CS: variants seen among roughly 807,000 people sequenced by gnomAD.
CS encodes the protein citrate synthase.
In CS, 13 loss-of-function variants were observed where a neutral mutation model predicts 61.4. That is an observed-to-expected ratio of 0.21 (90% CI 0.14 to 0.34). The LOEUF (loss-of-function observed/expected upper bound fraction) is 0.34. Among genes scored for constraint, CS ranks in the 10% least tolerant of loss-of-function variants. CS has a pLI of 1.00. For synonymous variants in CS, 159 were observed against 215.2 expected, an observed-to-expected ratio of 0.74 and a Z score of 2.29; for missense variants, 278 against 573.4, an observed-to-expected ratio of 0.48 and a Z score of 5.26.
At chr12:56,288,817 TAA>T (rs10711668) in intron 1 of CS, among the ~76,000 whole-genome samples, 17 of 148,448 alleles carry the variant, frequency 1.1e-4, no homozygotes, top group South Asian at 2.1e-4. Flanking sequence ...CCCAGCTAAT[TAA>T]AAAAAAAAAA....
rs140943640 is a variant in CS, at chr12:56,282,889, C to T, written c.370G>A (p.Val124Ile). 2 of 1,614,038 alleles carry T rather than the reference C, an allele frequency of 1.2e-6. No homozygotes were observed. The highest frequency in any genetic ancestry group is 1.7e-6 in the Non-Finnish European group (2 of 1,180,048). Residue 124 changes from valine to isoleucine, a missense_variant, in exon 5 of 11, where the codon GTA (valine) becomes ATA (isoleucine). Val to Ile is a conservative substitution (Grantham distance 29). Coordinates refer to ENST00000351328, the MANE Select transcript of CS (RefSeq NM_004077.3). ...TCCTCTGTTGGGATATGTCCAGTTA[C>T]CAGCAGCCAAAATAAGCCCTCAGGC... The part of the protein sequence containing the change: ...PLPEGLFWLL[V>I]TGHIPTEEQV...
chr12:56,283,917 T>G (rs1293593806), intron 3 of CS, 60 bp from the exon 4 acceptor site: 2 of 1,283,854 alleles, frequency 1.6e-6, no homozygotes, highest in African/African-American at 1.5e-5. Flanking sequence ...ATCAGAATGA[T>G]TCAGACTAGA....
intron 1 of CS, among the ~76,000 whole-genome samples, chr12:56,296,542 T>G (rs552199086): frequency 1.3e-5 from 2 of 152,204 alleles, no homozygotes; most frequent in Non-Finnish European, 2.9e-5. Context: ...ATTGCTACAG[T>G]TGCCTCATTA....
chr12:56,283,595 T>G (rs1407402823), intron 4 of CS, among the ~76,000 whole-genome samples, 197 bp downstream of exon 4: 2 of 152,230 alleles, frequency 1.3e-5, no homozygotes, highest in African/African-American at 4.8e-5. Flanking sequence ...ACCTCTGGTT[T>G]TGTACTTTTA....
chr12:56,284,852 T>G (rs549315620), intron 3 of CS, among the ~76,000 whole-genome samples: 3 of 137,206 alleles, frequency 2.2e-5, no homozygotes, highest in Non-Finnish European at 4.6e-5. Context: ...TGAGCCGAGA[T>G]CACGTCACTG....
chr12:56,274,174 A>G (rs1872575157), intron 9 of CS: 1 of 243,968 alleles, frequency 4.1e-6, no homozygotes, highest in Non-Finnish European at 8.1e-6. Flanking sequence ...ATACAAAATT[A>G]GCCGGGCATG....
At position 56,277,691 on chromosome 12, in the gene CS, C is replaced by T. The variant is rs187660941; in HGVS notation, c.589-1496G>A. Among the ~76,000 whole-genome samples the T allele has an allele frequency of 7.3e-5, 10 of 137,142 alleles. No individual in the cohort carries two copies. The East Asian group carries it at 1.3e-3, about 19-fold the overall frequency. 90.0% of individuals were successfully genotyped at this position (137,142 alleles called of 152,430 possible). On this transcript the variant is annotated intron_variant, in intron 6 of 10. Coordinates refer to ENST00000351328, the MANE Select transcript of CS (RefSeq NM_004077.3). The stretch of plus-strand genomic sequence containing the variant: ...TGTCGCCGAGGCTGGAGTACAGTGG[C>T]GCGATCTCGGCTCACTGCAAGCTCC...
Position 56,282,462 on chromosome 12 carries a change from G to A in CS, c.546C>T (p.Ala182=). The change falls in exon 6 of 11, where the codon GCC becomes GCT. Residue 182 remains alanine, a synonymous_variant. Coordinates refer to ENST00000351328, the MANE Select transcript of CS (RefSeq NM_004077.3). Reference sequence around the variant, plus strand: ...GGCTGATACCCTGTGCATATGCTCGGGCAAAGTTACTTTCACTGTTGAGGG... The same window carrying A: ...GGCTGATACCCTGTGCATATGCTCGAGCAAAGTTACTTTCACTGTTGAGGG... ...VTALNSESNF[A]RAYAQGISRT... The A allele has an allele frequency of 6.2e-7, 1 of 1,612,962 alleles. No individual in the cohort carries two copies. Among genetic ancestry groups the A allele is most frequent in the South Asian group, 1.1e-5 (1 of 90,932 alleles).
intron 4 of CS, 42 bp from the exon 5 acceptor site, chr12:56,283,033 CT>C (rs34111839): frequency 0.058 from 93,100 of 1,610,502 alleles, 3,109 homozygotes; most frequent in Non-Finnish European, 0.066. Context: ...AGTTTATAGC[CT>C]AGAAGTCACA....
intron 2 of CS, 133 bp downstream of exon 2, chr12:56,286,462 C>A (rs1872941676): frequency 1.5e-6 from 1 of 672,724 alleles, no homozygotes; most frequent in Non-Finnish European, 2.6e-6. Context: ...GCAGCTATAA[C>A]AATAACAATA....
intron 1 of CS, among the ~76,000 whole-genome samples, chr12:56,293,808 A>G (rs1430593926): frequency 6.6e-6 from 1 of 152,246 alleles, no homozygotes. Context: ...TTCATCAACA[A>G]AAGATCAGAG....
rs1390330336 is a variant in CS, at chr12:56,282,998, A to G, written c.268-7T>C. ...AGCCTCGGAAACGGATGCCCTTGAGAGAGGAGAGAGAGAATTACAACTCAA... is the reference window on the plus strand; with the variant it reads ...AGCCTCGGAAACGGATGCCCTTGAGGGAGGAGAGAGAGAATTACAACTCAA... On this transcript the variant is annotated splice_polypyrimidine_tract_variant and splice_region_variant and intron_variant, in intron 4 of 10. Transcript: ENST00000351328. 1 of 1,613,984 alleles carries G rather than the reference A, an allele frequency of 6.2e-7. No homozygotes were observed. The highest frequency in any genetic ancestry group is 2.2e-5 in the East Asian group (1 of 44,872).
intron 9 of CS, 95 bp from the exon 10 acceptor site, chr12:56,273,891 T>G: frequency 1.9e-6 from 2 of 1,074,454 alleles, no homozygotes; most frequent in Admixed American, 3.7e-5. Context: ...TGGAGTGCAG[T>G]GGCATGATCA....
At chr12:56,291,018 CCACT>C (rs764493209) in intron 1 of CS, among the ~76,000 whole-genome samples, 2 of 152,196 alleles carry the variant, frequency 1.3e-5, no homozygotes, top group Admixed American at 1.3e-4. Flanking sequence ...TGCCACCTTC[CCACT>C]GTGTTATCTT....
intron 7 of CS, 58 bp downstream of exon 7, chr12:56,275,938 A>T: frequency 1.3e-6 from 2 of 1,484,480 alleles, no homozygotes; most frequent in East Asian, 2.3e-5. Flanking sequence ...AGGAGCTTTT[A>T]AAAAAATTTC....
At chr12:56,294,193 G>C (rs989784403) in intron 1 of CS, among the ~76,000 whole-genome samples, 10 of 152,064 alleles carry the variant, frequency 6.6e-5, no homozygotes, top group African/African-American at 2.4e-4. Flanking sequence ...ACCGATCACT[G>C]CTGGGTGCAG....
At chr12:56,275,171 A>C in intron 7 of CS, 40 bp from the exon 8 acceptor site, 5 of 1,613,360 alleles carry the variant, frequency 3.1e-6, no homozygotes, top group Non-Finnish European at 4.2e-6. Flanking sequence ...GGAAGAAAGA[A>C]GGGGCAGATT....
rs563955011 is a variant in CS at position 56,289,432 on chromosome 12, T to TA, written c.43-2788dup. On this transcript the variant is annotated intron_variant, in intron 1 of 10. Transcript: ENST00000351328. ...GTTGTTTGCTGTGGTGATTTTTTTT[T>TA]AAATTTAATTTAATTAATTTTTTTT... Among the ~76,000 whole-genome samples the TA allele has an allele frequency of 4.0e-4, 60 of 151,768 alleles. 1 individual carries two copies. In the South Asian group the frequency reaches 8.7e-3, roughly 22 times the overall value.
chr12:56,288,960 C>A (rs1224207398), intron 1 of CS, among the ~76,000 whole-genome samples: 3 of 152,080 alleles, frequency 2.0e-5, no homozygotes, highest in African/African-American at 4.8e-5. Flanking sequence ...TGCACCCAGA[C>A]AGAAAAGATT....
Sources: gnomAD v4.1 joint callset for allele counts (sites outside exome capture counted in the v4.1 genomes callset) on GRCh38, gnomAD v4.1.1 for gene constraint, MANE v1.5 for transcripts, NCBI Gene and HGNC (gene_info 2026-07-23, HGNC 2026-07-21) for gene names.